Variants in TENM2 observed in about 807,000 individuals in gnomAD.
The protein encoded by TENM2 is teneurin transmembrane protein 2, also known as teneurin-2.
A neutral mutation model predicts 245.2 loss-of-function variants in TENM2; 52 were observed. That is an observed-to-expected ratio of 0.21 (90% CI 0.17 to 0.27). TENM2 has a LOEUF of 0.27. TENM2 is among the 10% of genes least tolerant of loss of function. TENM2 has a pLI of 1.00. For synonymous variants in TENM2, 1,363 were observed against 1,438.9 expected, an observed-to-expected ratio of 0.95 and a Z score of 1.19; for missense variants, 3,046 against 3,666.8, an observed-to-expected ratio of 0.83 and a Z score of 4.37.
intron 3 of TENM2, among the ~76,000 whole-genome samples, chr5:167,900,830 T>TG (rs572454377): frequency 2.8e-3 from 186 of 66,554 alleles, no homozygotes; most frequent in African/African-American, 0.01. Context: ...GTGATTGGGG[T>TG]GGGGGGGTGA....
At chr5:167,440,865 C>A (rs1052775526) in intron 2 of TENM2, among the ~76,000 whole-genome samples, 3 of 25,590 alleles carry the variant, frequency 1.2e-4, no homozygotes, top group African/African-American at 1.7e-4. Context: ...CAGTCTGTGG[C>A]AGATTAGAAA....
At chr5:167,769,544 T>C (rs1364370) in intron 2 of TENM2, among the ~76,000 whole-genome samples, 107,359 of 152,062 alleles carry the variant, frequency 0.71, 38,970 homozygotes, top group Middle Eastern at 0.83. Flanking sequence ...TCTGTCCAGT[T>C]GCCACTTAAA....
chr5:167,235,205 T>TA, the TENM2 span, among the ~76,000 whole-genome samples: 17 of 152,144 alleles, frequency 1.1e-4, no homozygotes, highest in Non-Finnish European at 2.1e-4. Flanking sequence ...ATCTCCTTTT[T>TA]AAAAATAAGG....
chr5:168,152,524 T>G (rs1330834982), intron 12 of TENM2, among the ~76,000 whole-genome samples: 1 of 152,208 alleles, frequency 6.6e-6, no homozygotes, highest in Non-Finnish European at 1.5e-5. Flanking sequence ...GGATGCTCAG[T>G]GGGTGTAGAA....
At chr5:167,202,495 C>T in the TENM2 span, among the ~76,000 whole-genome samples, 6 of 152,134 alleles carry the variant, frequency 3.9e-5, no homozygotes, top group African/African-American at 1.4e-4. Context: ...GAAAATTAAC[C>T]TTGCATTTGT....
chr5:167,199,097 T>TTA, the TENM2 span, among the ~76,000 whole-genome samples: 1 of 79,330 alleles, frequency 1.3e-5, no homozygotes, highest in Admixed American at 1.4e-4. Flanking sequence ...TGATATGAAG[T>TTA]AAAAAAAAAA....
intron 1 of TENM2, among the ~76,000 whole-genome samples, chr5:167,358,846 CA>C (rs1403226238): frequency 1.8e-5 from 2 of 111,308 alleles, no homozygotes; most frequent in East Asian, 2.4e-4. Context: ...CACACACACA[CA>C]CACACCCTGC....
chr5:168,075,936 C>G (rs1791426955), intron 7 of TENM2, among the ~76,000 whole-genome samples: 2 of 152,108 alleles, frequency 1.3e-5, no homozygotes, highest in South Asian at 4.2e-4. Context: ...ATGAGAACAG[C>G]ACAGGAAAGA....
In TENM2 at chr5:168,247,515, G is replaced by T. The variant is rs774424607; in HGVS notation, c.6576G>T (p.Leu2192=). The change falls in exon 27 of 29, where the codon CTG becomes CTT. Residue 2192 remains leucine, a synonymous_variant. Transcript: ENST00000518659. The surrounding 1 kb of genome is among the most constrained non-coding windows in gnomAD (Gnocchi z 7.8). ...GGGTGATCAAGAGGGAGCTAAAACT[G>T]GGGCCCTATGCCAATACCACGAAGT... 3 of 1,612,690 alleles carry T rather than the reference G, an allele frequency of 1.9e-6. No individual in the cohort carries two copies. The highest frequency in any genetic ancestry group is 2.5e-6 in the Non-Finnish European group (3 of 1,178,928).
At chr5:168,200,264 C>A (rs1581614291) in intron 17 of TENM2, 133 bp downstream of exon 19, 5 of 774,830 alleles carry the variant, frequency 6.5e-6, no homozygotes, top group Non-Finnish European at 1.0e-5. Context: ...AGAAGACAGA[C>A]AAGATTCCTC....
chr5:168,154,146 T>TAAAAAAAAAAAAAAAAAA (rs1562223601), intron 12 of TENM2, among the ~76,000 whole-genome samples: 3 of 75,748 alleles, frequency 4.0e-5, no homozygotes, highest in Admixed American at 1.5e-4. Context: ...ATCACCTACT[T>TAAAAAAAAAAAAAAAAAA]TAAAAAAAAA....
the TENM2 span, among the ~76,000 whole-genome samples, chr5:167,041,405 C>T: frequency 6.6e-6 from 1 of 152,164 alleles, no homozygotes; most frequent in South Asian, 2.1e-4. Flanking sequence ...ACAGATTCTG[C>T]TACTCTCCTC....
intron 1 of TENM2, among the ~76,000 whole-genome samples, chr5:167,366,660 C>CT (rs761017205): frequency 1.3e-5 from 2 of 152,088 alleles, no homozygotes; most frequent in Non-Finnish European, 2.9e-5. Context: ...TGTAGGGCTG[C>CT]TTTTTTAATT....
intron 2 of TENM2, among the ~76,000 whole-genome samples, chr5:167,649,141 C>A (rs1244234247): frequency 6.6e-6 from 1 of 152,164 alleles, no homozygotes; most frequent in African/African-American, 2.4e-5. Context: ...CTTTTCTGAG[C>A]AACACCTGAT....
chr5:167,416,576 G>T (rs1185775948), intron 2 of TENM2, among the ~76,000 whole-genome samples: 3 of 152,146 alleles, frequency 2.0e-5, no homozygotes, highest in African/African-American at 7.2e-5. Context: ...TGCAAATATT[G>T]GCACGACACC....
At chr5:167,892,979 G>A (rs916409520) in intron 3 of TENM2, among the ~76,000 whole-genome samples, 1 of 152,172 alleles carries the variant, frequency 6.6e-6, no homozygotes, top group Non-Finnish European at 1.5e-5. Flanking sequence ...CTTCCCCACA[G>A]AACTCAGAAC....
chr5:168,137,219 C>T lies in TENM2; in HGVS notation c.2422+10253C>T, dbSNP rs77527015. ...CTGGGCTATACATTCCAAGTTTAGC[C>T]ACCACAGCACCTGGTCAAATTAGCA... On this transcript the variant is annotated intron_variant, in intron 12 of 28. Coordinates refer to ENST00000518659, the Ensembl canonical transcript of TENM2. Among the ~76,000 whole-genome samples the T allele has an allele frequency of 3.1e-3, 469 of 152,322 alleles. 3 individuals carry two copies. The highest frequency in any genetic ancestry group is 0.011 in the African/African-American group (444 of 41,568).
chr5:168,085,395 G>A (rs1345088541), intron 7 of TENM2: 1 of 152,198 alleles, frequency 6.6e-6, no homozygotes, highest in Non-Finnish European at 1.5e-5. Flanking sequence ...GGCATGATGA[G>A]CTGCTACAGT....
chr5:167,453,495 A>G (rs1266397857), intron 2 of TENM2, among the ~76,000 whole-genome samples: 1 of 152,186 alleles, frequency 6.6e-6, no homozygotes, highest in Non-Finnish European at 1.5e-5. Context: ...AAAGACAGGA[A>G]ACTTGTGAAT....
Sources: gnomAD v4.1 joint callset for allele counts (sites outside exome capture counted in the v4.1 genomes callset) on GRCh38, gnomAD v4.1.1 for gene constraint, Gnocchi (gnomAD v3.1) non-coding constraint, MANE v1.5 for transcripts, NCBI Gene and HGNC (gene_info 2026-07-23, HGNC 2026-07-21) for gene names.